AMZ1: variants seen among roughly 807,000 people sequenced by gnomAD.
The protein encoded by AMZ1 is archaelysin family metallopeptidase 1, also known as archaemetzincin-1.
Under a neutral mutation model 29.9 loss-of-function variants are expected in AMZ1, and 39 were observed. The observed-to-expected ratio is 1.30, with a 90% CI of 1.01 to 1.70. The LOEUF (loss-of-function observed/expected upper bound fraction) is 1.70. Ranked by LOEUF, AMZ1 falls within the 40% of genes most tolerant of loss-of-function variation. The pLI, the probability that AMZ1 is intolerant of heterozygous loss-of-function variation, is 0.00. For synonymous variants in AMZ1, 458 were observed against 304.0 expected (o/e 1.51, Z -5.27); for missense variants, 1,041 against 680.6 (o/e 1.53, Z -5.89).
rs748682053 is a variant in AMZ1, at chr7:2,709,442, C to CTCCCCAGGGCCT, written c.772-194_772-193insCAGGGCCTTCCC. On this transcript the variant is annotated intron_variant, in intron 5 of 6. Transcript: ENST00000683327. ...GCCCCAAGCCCCTATCCTGTGTGGC[C>CTCCCCAGGGCCT]TCCCACCCTGACTCACCTTTCCCCT... Among the ~76,000 whole-genome samples, 343 of 152,000 alleles carry CTCCCCAGGGCCT rather than the reference C, an allele frequency of 2.3e-3. 2 individuals are homozygous for CTCCCCAGGGCCT. Among genetic ancestry groups the CTCCCCAGGGCCT allele is most frequent in the Non-Finnish European group, 3.7e-3 (252 of 68,006 alleles).
At chr7:2,684,872 CTTTTT>C (rs60735391), upstream of AMZ1, among the ~76,000 whole-genome samples, 1 of 132,632 alleles carries the variant, frequency 7.5e-6, no homozygotes. Context: ...CACATAATTG[CTTTTT>C]TTTTTTTTTT....
chr7:2,706,666 G>A (rs1401123585), intron 3 of AMZ1, among the ~76,000 whole-genome samples: 5 of 152,176 alleles, frequency 3.3e-5, no homozygotes, highest in Admixed American at 6.5e-5. Context: ...GTGCCTCTGC[G>A]TCTCTTCTAA....
At chr7:2,746,493 A>G (rs1790770019) in intron 4 of AMZ1, among the ~76,000 whole-genome samples, 2 of 152,232 alleles carry the variant, frequency 1.3e-5, no homozygotes, top group Admixed American at 6.5e-5. Flanking sequence ...ACAACATACC[A>G]GAATCTCTGG....
At chr7:2,708,509 G>C in intron 3 of AMZ1, 79 bp from the exon 4 acceptor site, 20 of 1,585,762 alleles carry the variant, frequency 1.3e-5, no homozygotes, top group Non-Finnish European at 1.5e-5. Context: ...GGAAGAGGAT[G>C]ACGGGGTGCC....
rs1788556505 is a variant in AMZ1 at position 2,708,976 on chromosome 7, C to T, written c.602-99C>T. 7.1e-6 allele frequency: 10 copies of T among 1,415,608 alleles called. No homozygotes were observed. In the East Asian group the frequency reaches 9.7e-5, roughly 14 times the overall value. The allele number at this position is 1,415,608 out of a possible 1,614,324, so 87.7% of individuals were successfully genotyped here. On this transcript the variant is annotated intron_variant, in intron 4 of 6. Transcript: ENST00000683327. The stretch of plus-strand genomic sequence containing the variant: ...TCCCAGGACTGGTATGTCTTTGGGC[C>T]ATGGCCAGCTTGCATGAGAGCATGA...
upstream of AMZ1, among the ~76,000 whole-genome samples, chr7:2,761,778 C>T (rs539841692): frequency 1.2e-4 from 18 of 152,332 alleles, no homozygotes; most frequent in Non-Finnish European, 2.5e-4. Context: ...CGGCACTTCA[C>T]GTTCATTAAA....
intron 4 of AMZ1, among the ~76,000 whole-genome samples, chr7:2,751,620 A>G (rs374039054): frequency 9.6e-4 from 146 of 152,338 alleles, no homozygotes; most frequent in African/African-American, 3.2e-3. Flanking sequence ...CAGAACTGAT[A>G]ACCTCCTAAG....
chr7:2,696,279 T>C lies in AMZ1; in HGVS notation c.-218-3955T>C, dbSNP rs1427251301. 4.5e-4 allele frequency among the ~76,000 whole-genome samples: 59 copies of C among 132,402 alleles called. 1 individual carries two copies. The highest frequency in any genetic ancestry group is 5.5e-4 in the Admixed American group (7 of 12,642). 86.9% of individuals were successfully genotyped at this position (132,402 alleles called of 152,430 possible). On this transcript the variant is annotated intron_variant, in intron 1 of 6. Transcript: ENST00000683327. The stretch of plus-strand genomic sequence containing the variant: ...GTCATTTTTTTTTTTTTTTTTGAGA[T>C]GGAGTCTCGCTCTGTCACCCAGGCT...
At position 2,731,056 on chromosome 7, in the gene AMZ1, G is replaced by A. The variant is rs879496117; in HGVS notation, n.550+21240G>A. Reference sequence around the variant, plus strand: ...CTGGCTGGTCTGACAGCATTCCTGAGCCAGGTATTCCAGGGCACGGATCCG... The same window carrying A: ...CTGGCTGGTCTGACAGCATTCCTGAACCAGGTATTCCAGGGCACGGATCCG... On this transcript the variant is annotated intron_variant and non_coding_transcript_variant, in intron 4 of 4. Coordinates refer to the AMZ1 transcript ENST00000489665. This position sits in a 1 kb window ranked among gnomAD's most constrained non-coding sequence, Gnocchi z 6.0. 2 of 642,188 alleles carry A rather than the reference G, an allele frequency of 3.1e-6. No individual in the cohort carries two copies. Among genetic ancestry groups the A allele is most frequent in the Non-Finnish European group, 5.4e-6 (2 of 373,258 alleles). The allele number at this position is 642,188 out of a possible 1,614,324, so 39.8% of individuals were successfully genotyped here. A position where few individuals can be genotyped will look rare whatever the true frequency, so the allele number is the denominator to read the frequency against.
At chr7:2,733,327 A>C in intron 4 of AMZ1, 1 of 761,574 alleles carries the variant, frequency 1.3e-6, no homozygotes. Context: ...TATTCGTGGT[A>C]ATGTGACAGA....
In AMZ1 at chr7:2,712,440, C is replaced by G. The variant is rs953687939; in HGVS notation, c.1059C>G (p.Cys353Trp). The change falls in exon 7 of 7, where the codon TGC (cysteine) becomes TGG (tryptophan). Residue 353 changes from cysteine to tryptophan, a missense_variant. Cys to Trp is a radical substitution (Grantham distance 215). Coordinates refer to ENST00000683327, the MANE Select transcript of AMZ1 (RefSeq NM_001384743.1). Reference sequence around the variant, plus strand: ...CTGCCAGCGCCGACTCGGGCATGTGCTGTGAGAGTGACTCGGAGCCCGGCA... The same window carrying G: ...CTGCCAGCGCCGACTCGGGCATGTGGTGTGAGAGTGACTCGGAGCCCGGCA... ...TPPASADSGM[C>W]CESDSEPGTS... 1 of 1,611,846 alleles carries G rather than the reference C, an allele frequency of 6.2e-7. No homozygotes were observed. Among genetic ancestry groups the G allele is most frequent in the South Asian group, 1.1e-5 (1 of 91,030 alleles).
At chr7:2,750,065 G>A (rs1790954515) in intron 4 of AMZ1, among the ~76,000 whole-genome samples, 1 of 152,164 alleles carries the variant, frequency 6.6e-6, no homozygotes, top group Non-Finnish European at 1.5e-5. Context: ...TTCCAAATAT[G>A]ATAAGTATGA....
In AMZ1 at chr7:2,731,081, G is replaced by A. The variant is rs917980549; in HGVS notation, n.550+21265G>A. The A allele has an allele frequency of 8.9e-6, 7 of 787,394 alleles. No individual in the cohort carries two copies. The highest frequency in any genetic ancestry group is 2.9e-4 in the Middle Eastern group (1 of 3,504). 48.8% of individuals were successfully genotyped at this position (787,394 alleles called of 1,614,324 possible). ...GCCAGGTATTCCAGGGCACGGATCCGAGAAACCCACTCAAGGACCACACAG... is the reference window on the plus strand; with the variant it reads ...GCCAGGTATTCCAGGGCACGGATCCAAGAAACCCACTCAAGGACCACACAG... On this transcript the variant is annotated intron_variant and non_coding_transcript_variant, in intron 4 of 4. Coordinates refer to the AMZ1 transcript ENST00000489665. This position sits in a 1 kb window ranked among gnomAD's most constrained non-coding sequence, Gnocchi z 6.0.
At chr7:2,696,802 C>T (rs554388699) in intron 1 of AMZ1, among the ~76,000 whole-genome samples, 47 of 152,120 alleles carry the variant, frequency 3.1e-4, no homozygotes, top group Admixed American at 1.5e-3. Context: ...AGGAGAATCG[C>T]TTGAACCCAG....
At chr7:2,752,221 A>G (rs997288076) in intron 4 of AMZ1, among the ~76,000 whole-genome samples, 1 of 152,212 alleles carries the variant, frequency 6.6e-6, no homozygotes, top group African/African-American at 2.4e-5. Flanking sequence ...AGCATGTGAA[A>G]AAATTCAACA....
downstream of AMZ1, among the ~76,000 whole-genome samples, chr7:2,724,282 G>A (rs139946477): frequency 3.3e-4 from 51 of 152,334 alleles, no homozygotes; most frequent in East Asian, 3.1e-3. Flanking sequence ...CACCAGCGCC[G>A]GGCAAGGCCA....
intron 4 of AMZ1, among the ~76,000 whole-genome samples, chr7:2,743,817 C>T (rs540640799): frequency 6.6e-6 from 1 of 152,154 alleles, no homozygotes; most frequent in African/African-American, 2.4e-5. Context: ...TTGGGTCACT[C>T]CCACCCTAAC....
chr7:2,709,724 G>A lies in AMZ1; in HGVS notation c.856G>A (p.Asp286Asn). 1.9e-6 allele frequency: 3 copies of A among 1,611,362 alleles called. No individual in the cohort carries two copies. The highest frequency in any genetic ancestry group is 8.5e-7 in the Non-Finnish European group (1 of 1,179,862). ...CCTCATGCAGGGTGCGCTCAGCCTG[G>A]ACGAGGCCCTGCGGCGGCCCCTGGA... Reference protein sequence around the residue: ...RCLMQGALSLDEALRRPLDLC... With the variant: ...RCLMQGALSLNEALRRPLDLC... The change falls in exon 6 of 7, where the codon GAC (aspartate) becomes AAC (asparagine). Residue 286 changes from aspartate to asparagine, a missense_variant. Asp to Asn is a conservative substitution (Grantham distance 23, BLOSUM62 1). Coordinates refer to ENST00000683327, the MANE Select transcript of AMZ1 (RefSeq NM_001384743.1).
At chr7:2,754,074 T>C in intron 4 of AMZ1, among the ~76,000 whole-genome samples, 1 of 152,220 alleles carries the variant, frequency 6.6e-6, no homozygotes, top group East Asian at 1.9e-4. Context: ...TTGTACCCTT[T>C]TACCTCCCCA....
Sources: allele counts gnomAD v4.1 joint callset (sites outside exome capture counted in the v4.1 genomes callset), GRCh38; gene constraint gnomAD v4.1.1; non-coding constraint Gnocchi (gnomAD v3.1); transcripts MANE v1.5; gene names NCBI Gene and HGNC (gene_info 2026-07-23, HGNC 2026-07-21).